The following ATXN1 variants were observed in gnomAD, a reference collection of about 807,000 sequenced individuals.
ATXN1 encodes ataxin 1, also known as ataxin-1.
ATXN1 carries 8 observed loss-of-function variants against 56.4 expected under a neutral mutation model. That is an observed-to-expected ratio of 0.14 (90% CI 0.08 to 0.26). The LOEUF (loss-of-function observed/expected upper bound fraction) is 0.26, where lower values mean the gene tolerates loss of function less well. ATXN1 is among the 10% of genes least tolerant of loss of function. The pLI, the probability that ATXN1 is intolerant of heterozygous loss-of-function variation, is 1.00. For synonymous variants in ATXN1, 514 were observed against 494.6 expected (o/e 1.04, Z -0.52); for missense variants, 987 against 1,106.5 (o/e 0.89, Z 1.53).
At chr6:16,316,862 T>C (rs1431872648) in intron 7 of ATXN1, among the ~76,000 whole-genome samples, 1 of 127,998 alleles carries the variant, frequency 7.8e-6, no homozygotes, top group Admixed American at 8.7e-5. Flanking sequence ...AGAGACTGCC[T>C]GTCTTTTTTT....
At chr6:16,341,639 C>T (rs1327308272) in intron 6 of ATXN1, among the ~76,000 whole-genome samples, 10 of 151,512 alleles carry the variant, frequency 6.6e-5, no homozygotes, top group African/African-American at 2.4e-4. Flanking sequence ...CTGCCTCAGC[C>T]TCCCGAGTGG....
At chr6:16,667,537 A>C (rs1758452729) in intron 2 of ATXN1, 1 of 152,216 alleles carries the variant, frequency 6.6e-6, no homozygotes, top group Admixed American at 6.5e-5. Flanking sequence ...GGACATGAGG[A>C]TAGAGCACTG....
intron 1 of ATXN1, among the ~76,000 whole-genome samples, chr6:16,756,016 G>T (rs1460811596): frequency 6.6e-6 from 1 of 151,954 alleles, no homozygotes; most frequent in African/African-American, 2.4e-5. Context: ...CTCTCTAAAC[G>T]TGTTTTGGTA....
intron 6 of ATXN1, among the ~76,000 whole-genome samples, chr6:16,428,885 G>A (rs77673709): frequency 0.018 from 2,787 of 152,334 alleles, 29 homozygotes; most frequent in South Asian, 0.055. Context: ...AAGGCTTTGC[G>A]GAAGAGGGGA....
chr6:16,537,428 G>T (rs760863354), intron 4 of ATXN1, among the ~76,000 whole-genome samples: 9 of 152,048 alleles, frequency 5.9e-5, no homozygotes, highest in East Asian at 3.9e-4. Flanking sequence ...GTTCTGGCCG[G>T]GCGCGGTGGC....
intron 2 of ATXN1, among the ~76,000 whole-genome samples, chr6:16,725,080 C>A (rs77278511): frequency 6.6e-6 from 1 of 152,066 alleles, no homozygotes; most frequent in Non-Finnish European, 1.5e-5. Flanking sequence ...TAAAACTAAC[C>A]GTTTATTAAG....
chr6:16,740,107 A>C (rs1760280392), intron 2 of ATXN1, among the ~76,000 whole-genome samples: 1 of 152,180 alleles, frequency 6.6e-6, no homozygotes, highest in Non-Finnish European at 1.5e-5. Flanking sequence ...GGCTTCTGTC[A>C]AGTCTAAATG....
At chr6:16,415,660 C>T (rs1183358000) in intron 6 of ATXN1, among the ~76,000 whole-genome samples, 1 of 152,264 alleles carries the variant, frequency 6.6e-6, no homozygotes, top group East Asian at 1.9e-4. Flanking sequence ...GTTCTCGGCT[C>T]ACACTAGTCC....
At chr6:16,595,687 G>A (rs1762801574) in intron 3 of ATXN1, among the ~76,000 whole-genome samples, 1 of 152,252 alleles carries the variant, frequency 6.6e-6, no homozygotes, top group Admixed American at 6.5e-5. Context: ...AGTGAGGGGA[G>A]AGGGAGGAAT....
In ATXN1 at chr6:16,449,797, T is replaced by C. The variant is rs534398224; in HGVS notation, c.-161+36175A>G. On this transcript the variant is annotated intron_variant, in intron 6 of 7. Transcript: ENST00000436367. ...AAAAAAATAAAACAACTCATTATTA[T>C]TTGCAACTCCTTATTTTAGGGAATC... Among the ~76,000 whole-genome samples the C allele has an allele frequency of 6.6e-5, 10 of 152,330 alleles. No homozygotes were observed. In the South Asian group the frequency reaches 2.1e-3, roughly 32 times the overall value.
intron 4 of ATXN1, among the ~76,000 whole-genome samples, chr6:16,537,242 A>C (rs973404951): frequency 2.6e-5 from 4 of 152,212 alleles, no homozygotes; most frequent in Non-Finnish European, 5.9e-5. Flanking sequence ...AACAAATGTT[A>C]AACCTGTCTA....
Position 16,327,099 on chromosome 6 carries a change from T to C in ATXN1, c.1212A>G (p.Glu404=), listed in dbSNP as rs2075974. ...TGTCGTTGAGGGTAGAAGGGGAGGCTTCACGATGAGTGGCCTGTTGCACCT... is the reference window on the plus strand; with the variant it reads ...TGTCGTTGAGGGTAGAAGGGGAGGCCTCACGATGAGTGGCCTGTTGCACCT... ...DLEVQQATHR[E]ASPSTLNDKS... The change falls in exon 7 of 8, where the codon GAA becomes GAG. Residue 404 remains glutamate (E), a synonymous_variant. Coordinates refer to ENST00000436367, the MANE Select transcript of ATXN1 (RefSeq NM_001128164.2). 381,459 of 1,613,450 alleles carry C rather than the reference T, an allele frequency of 0.24. 49,845 individuals carry two copies. The highest frequency in any genetic ancestry group is 0.48 in the East Asian group (21,501 of 44,840).
intron 6 of ATXN1, among the ~76,000 whole-genome samples, chr6:16,406,019 T>C (rs1758678896): frequency 6.6e-6 from 1 of 152,200 alleles, no homozygotes; most frequent in Non-Finnish European, 1.5e-5. Context: ...ATGTTCACTC[T>C]CAGAAAGAAA....
chr6:16,378,237 C>A (rs1762182610), intron 6 of ATXN1, among the ~76,000 whole-genome samples: 1 of 152,230 alleles, frequency 6.6e-6, no homozygotes, highest in Non-Finnish European at 1.5e-5. Flanking sequence ...TTGTACCACT[C>A]CCCTGGTCTG....
intron 4 of ATXN1, among the ~76,000 whole-genome samples, chr6:16,557,704 G>C (rs1396781788): frequency 1.3e-5 from 2 of 152,200 alleles, no homozygotes; most frequent in African/African-American, 4.8e-5. Context: ...ATGAATACTG[G>C]ACTTCAGTGA....
chr6:16,692,915 G>C (rs1044562499), intron 2 of ATXN1, among the ~76,000 whole-genome samples: 1 of 152,170 alleles, frequency 6.6e-6, no homozygotes, highest in African/African-American at 2.4e-5. Flanking sequence ...GGAAGATATG[G>C]ATAGATAAGC....
intron 6 of ATXN1, chr6:16,432,432 T>C (rs943908065): frequency 6.6e-6 from 1 of 152,266 alleles, no homozygotes; most frequent in African/African-American, 2.4e-5. Flanking sequence ...CAATTTCCTT[T>C]TCTTTCCTAA....
At chr6:16,470,592 G>A (rs1178961005) in intron 6 of ATXN1, among the ~76,000 whole-genome samples, 1 of 152,216 alleles carries the variant, frequency 6.6e-6, no homozygotes, top group Non-Finnish European at 1.5e-5. Context: ...TATATGGAAA[G>A]TTATTGGACA....
chr6:16,396,396 A>G (rs1416928061), intron 6 of ATXN1, among the ~76,000 whole-genome samples: 2 of 152,214 alleles, frequency 1.3e-5, no homozygotes, highest in Admixed American at 6.5e-5. Context: ...CCTGGGCAAC[A>G]TAGTGAGACT....
Sources: gnomAD v4.1 joint callset for allele counts (sites outside exome capture counted in the v4.1 genomes callset) on GRCh38, gnomAD v4.1.1 for gene constraint, MANE v1.5 for transcripts, NCBI Gene and HGNC (gene_info 2026-07-23, HGNC 2026-07-21) for gene names.